Variants in PCDH19 observed in about 807,000 individuals in gnomAD.
PCDH19 encodes protocadherin 19.
A neutral mutation model predicts 46.2 loss-of-function variants in PCDH19; 6 were observed. That is an observed-to-expected ratio of 0.13 (90% CI 0.07 to 0.26). The LOEUF is 0.26. Ranked by LOEUF, PCDH19 falls within the 10% of genes least tolerant of loss-of-function variation. The pLI is 1.00. For missense variants in PCDH19, 740 were observed against 972.3 expected (o/e 0.76, Z 3.18); for synonymous variants, 481 against 415.7 (o/e 1.16, Z -1.91).
intron 3 of PCDH19, among the ~76,000 whole-genome samples, chrX:100,375,386 G>C (rs936116728): frequency 9.0e-6 from 1 of 111,684 alleles, no homozygotes; most frequent in Non-Finnish European, 1.9e-5. Context: ...GAGAATGATG[G>C]TTTCCAGCTT....
intron 5 of PCDH19, among the ~76,000 whole-genome samples, chrX:100,301,789 C>A (rs1405314837): frequency 8.9e-6 from 1 of 112,028 alleles, no homozygotes; most frequent in Non-Finnish European, 1.9e-5. Context: ...CTTGACCTAT[C>A]TAACTCCTAC....
At chrX:100,349,993 C>T (rs1437132395) in intron 4 of PCDH19, among the ~76,000 whole-genome samples, 1 of 112,375 alleles carries the variant, frequency 8.9e-6, no homozygotes, top group African/African-American at 3.2e-5. Flanking sequence ...ACATAAATCT[C>T]AACTTTGAAT....
intron 5 of PCDH19, among the ~76,000 whole-genome samples, chrX:100,323,397 A>G (rs1422899815): frequency 1.8e-5 from 2 of 111,899 alleles, no homozygotes; most frequent in Admixed American, 1.9e-4. Context: ...TGTCAGTCCA[A>G]TAGCCTTTGA....
intron 5 of PCDH19, among the ~76,000 whole-genome samples, chrX:100,312,104 TGA>T (rs5903157): frequency 2.9e-5 from 3 of 103,546 alleles, no homozygotes; most frequent in Non-Finnish European, 2.0e-5. Context: ...CCTAAAACAT[TGA>T]GAGAGAGAGA....
chrX:100,319,190 G>A (rs1374547007), intron 5 of PCDH19, among the ~76,000 whole-genome samples: 2 of 111,559 alleles, frequency 1.8e-5, no homozygotes, highest in African/African-American at 6.5e-5. Context: ...TGATTAACAG[G>A]GAGCATAATG....
chrX:100,342,761 A>C (rs1926292001), intron 4 of PCDH19, among the ~76,000 whole-genome samples: 1 of 112,563 alleles, frequency 8.9e-6, no homozygotes, highest in African/African-American at 3.2e-5. Context: ...AATAGGAAGG[A>C]TTATCAGGAT....
intron 5 of PCDH19, among the ~76,000 whole-genome samples, chrX:100,322,863 A>ATTTTTTTT (rs1358059816): frequency 5.0e-5 from 2 of 40,111 alleles, no homozygotes; most frequent in African/African-American, 1.8e-4. Context: ...ATATATATAT[A>ATTTTTTTT]TATTTTTGCA....
At chrX:100,391,548 T>C (rs1428515372) in intron 3 of PCDH19, among the ~76,000 whole-genome samples, 1 of 112,078 alleles carries the variant, frequency 8.9e-6, no homozygotes, top group Non-Finnish European at 1.9e-5. Context: ...GCAACCATTG[T>C]CATCACATGG....
chrX:100,325,283 T>C (rs1925655636), intron 5 of PCDH19, among the ~76,000 whole-genome samples: 1 of 110,260 alleles, frequency 9.1e-6, no homozygotes, highest in Non-Finnish European at 1.9e-5. Context: ...TCCAAGGCTC[T>C]ACAATGAACA....
At chrX:100,334,601 C>A (rs1338115554) in intron 5 of PCDH19, among the ~76,000 whole-genome samples, 1 of 110,909 alleles carries the variant, frequency 9.0e-6, no homozygotes, top group African/African-American at 3.3e-5. Flanking sequence ...CACTACTCAG[C>A]TCAGAGATAA....
At chrX:100,304,584 G>A (rs1294632446) in intron 5 of PCDH19, among the ~76,000 whole-genome samples, 1 of 111,616 alleles carries the variant, frequency 9.0e-6, no homozygotes, top group Non-Finnish European at 1.9e-5. Context: ...TTTCTGAATT[G>A]CCAGAAAAAA....
intron 5 of PCDH19, among the ~76,000 whole-genome samples, chrX:100,329,197 TC>T (rs1925797219): frequency 8.9e-6 from 1 of 112,682 alleles, no homozygotes; most frequent in Non-Finnish European, 1.9e-5. Context: ...TCAGTTGACA[TC>T]AATTATAAAT....
intron 5 of PCDH19, among the ~76,000 whole-genome samples, chrX:100,325,125 C>CTAGATAGATAGATAGA (rs58882829): frequency 1.1e-5 from 1 of 91,442 alleles, no homozygotes; most frequent in African/African-American, 4.0e-5. Context: ...AGAAAAAATA[C>CTAGATAGATAGATAGA]TAGATAGATA....
chrX:100,346,466 G>T (rs112251608), intron 4 of PCDH19, among the ~76,000 whole-genome samples: 35 of 111,865 alleles, frequency 3.1e-4, no homozygotes, highest in Non-Finnish European at 2.1e-4. Flanking sequence ...ACAACTGGAG[G>T]TTCTCTAGGG....
rs200756110 is a variant in PCDH19 at position 100,402,740 on chromosome X, G to A, written c.2400C>T (p.Asn800=). 1.7e-5 allele frequency: 21 copies of A among 1,209,877 alleles called. No homozygotes were observed. The highest frequency in any genetic ancestry group is 2.3e-5 in the Non-Finnish European group (21 of 893,685). The change falls in exon 3 of 6, where the codon AAC becomes AAT. Residue 800 remains asparagine (N), a synonymous_variant. Transcript: ENST00000373034. ...AGGTCAGGGAAGAGCAACTGACAAC[G>A]TTCATCTTGTCTGTCTCCTCCACAT... ...PRDVEETDKM[N]VVSCSSLTSS... is the part of the protein sequence containing the mutation.
At chrX:100,347,505 T>C (rs1437542686) in intron 4 of PCDH19, among the ~76,000 whole-genome samples, 1 of 111,833 alleles carries the variant, frequency 8.9e-6, no homozygotes, top group Non-Finnish European at 1.9e-5. Context: ...TCTTTGTAAA[T>C]AAACTTTCCT....
At chrX:100,297,006 C>T in intron 5 of PCDH19, 131 bp from the exon 6 acceptor site, 1 of 569,913 alleles carries the variant, frequency 1.8e-6, no homozygotes, top group Non-Finnish European at 3.0e-6. Flanking sequence ...TCCTTTATTG[C>T]CTTTTGGGAC....
At chrX:100,373,860 CTT>C in intron 3 of PCDH19, among the ~76,000 whole-genome samples, 1 of 112,907 alleles carries the variant, frequency 8.9e-6, no homozygotes. Context: ...GGGATGGTCT[CTT>C]GGGAGTTCTC....
intron 5 of PCDH19, among the ~76,000 whole-genome samples, chrX:100,314,039 G>A (rs940077209): frequency 9.0e-6 from 1 of 111,631 alleles, no homozygotes; most frequent in African/African-American, 3.3e-5. Context: ...CAGAGTTTAT[G>A]CAAACTAAAA....
Sources: gnomAD v4.1 joint callset for allele counts (sites outside exome capture counted in the v4.1 genomes callset) on GRCh38, gnomAD v4.1.1 for gene constraint, MANE v1.5 for transcripts, NCBI Gene and HGNC (gene_info 2026-07-23, HGNC 2026-07-21) for gene names.